TAOK3: variants seen among roughly 807,000 people sequenced by gnomAD.
TAOK3 encodes the protein serine/threonine-protein kinase TAO3.
TAOK3 carries 40 observed loss-of-function variants against 120.4 expected under a neutral mutation model. That is an observed-to-expected ratio of 0.33 (90% CI 0.26 to 0.43). TAOK3 has a LOEUF of 0.43. Among genes scored for constraint, TAOK3 ranks in the 20% least tolerant of loss-of-function variants. The pLI, the probability that TAOK3 is intolerant of heterozygous loss-of-function variation, is 1.00. For missense variants in TAOK3, 821 were observed against 1,112.1 expected (o/e 0.74, Z 3.72); for synonymous variants, 355 against 387.5 (o/e 0.92, Z 0.99).
At chr12:118,362,359 A>G (rs2045625108) in intron 1 of TAOK3, among the ~76,000 whole-genome samples, 1 of 151,222 alleles carries the variant, frequency 6.6e-6, no homozygotes, top group South Asian at 2.1e-4. Context: ...AATCTCACAT[A>G]AATCTCACAA....
Position 118,243,506 on chromosome 12 carries a change from T to G in TAOK3, c.203A>C (p.Asp68Ala). ...SGKQTHEKWQ[D>A]ILKEVKFLRQ... ...TAAAAATTTAACTTCCTTAAGAATA[T>G]CTTGCCATTTCTATTGAAGTCAGAA... Residue 68 changes from aspartate (D) to alanine (A), a missense_variant, in exon 5 of 21, where the codon GAT becomes GCT. This residue lies in a region of TAOK3 where 467 missense variants were observed against 540.0 expected (regional missense o/e 0.86). Transcript: ENST00000392533. 6.9e-7 allele frequency: 1 copy of G among 1,443,608 alleles called. No individual in the cohort carries two copies. The highest frequency in any genetic ancestry group is 9.3e-7 in the Non-Finnish European group (1 of 1,073,516). 89.4% of individuals were successfully genotyped at this position (1,443,608 alleles called of 1,614,324 possible).
chr12:118,180,148 A>G lies in TAOK3; in HGVS notation c.1566+1223T>C, dbSNP rs1290664772. 2.7e-5 allele frequency among the ~76,000 whole-genome samples: 4 copies of G among 150,394 alleles called. No individual in the cohort carries two copies. In the East Asian group the frequency reaches 7.8e-4, roughly 29 times the overall value. On this transcript the variant is annotated intron_variant, in intron 15 of 20. Transcript: ENST00000392533. The stretch of plus-strand genomic sequence containing the variant: ...TTTTTAGTAGAGACGGGGTTTCACC[A>G]TGTTGGCCAGGCTGGTCTCGAATTC...
intron 1 of TAOK3, among the ~76,000 whole-genome samples, chr12:118,267,733 A>C (rs972938139): frequency 3.3e-5 from 5 of 151,282 alleles, no homozygotes; most frequent in Non-Finnish European, 4.4e-5. Context: ...GAAAATAAAC[A>C]AACTAGCTGA....
At chr12:118,207,647 G>T (rs985874436) in intron 11 of TAOK3, among the ~76,000 whole-genome samples, 13 of 152,078 alleles carry the variant, frequency 8.5e-5, no homozygotes, top group Non-Finnish European at 1.8e-4. Flanking sequence ...TTGAGGTCAG[G>T]AGTTTGAGAC....
chr12:118,313,633 G>T (rs2043343953), intron 1 of TAOK3, among the ~76,000 whole-genome samples: 1 of 152,110 alleles, frequency 6.6e-6, no homozygotes, highest in African/African-American at 2.4e-5. Flanking sequence ...ATTTAAAAGG[G>T]TTTTATTTTG....
rs539864029 is a variant in TAOK3, at chr12:118,342,979, A to G, written c.-194+29669T>C. 1.7e-4 allele frequency among the ~76,000 whole-genome samples: 25 copies of G among 149,626 alleles called. No individual in the cohort carries two copies. In the East Asian group the frequency reaches 4.5e-3, roughly 27 times the overall value. On this transcript the variant is annotated intron_variant, in intron 1 of 20. Coordinates refer to ENST00000392533, the MANE Select transcript of TAOK3 (RefSeq NM_016281.4). Reference sequence around the variant, plus strand: ...AAAAAGAGAGAGAGAGAGAGAGAGAAATGAAGAAGTCTTGCAATATTTGCA... The same window carrying G: ...AAAAAGAGAGAGAGAGAGAGAGAGAGATGAAGAAGTCTTGCAATATTTGCA...
intron 1 of TAOK3, among the ~76,000 whole-genome samples, chr12:118,326,378 T>C (rs569302894): frequency 7.2e-5 from 11 of 152,308 alleles, no homozygotes; most frequent in Non-Finnish European, 1.0e-4. Context: ...GGCAATACCA[T>C]GCTGTTTTGG....
chr12:118,215,602 G>A (rs1034025498), intron 9 of TAOK3, among the ~76,000 whole-genome samples: 1 of 152,076 alleles, frequency 6.6e-6, no homozygotes, highest in African/African-American at 2.4e-5. Context: ...CCTGATTCAG[G>A]CCAAATAATT....
At chr12:118,272,025 C>G (rs920922528) in intron 1 of TAOK3, among the ~76,000 whole-genome samples, 1 of 152,204 alleles carries the variant, frequency 6.6e-6, no homozygotes, top group Non-Finnish European at 1.5e-5. Context: ...AAGATTTCAT[C>G]AGAGATGTGC....
chr12:118,361,099 T>A (rs2045583455), intron 1 of TAOK3, among the ~76,000 whole-genome samples: 1 of 152,204 alleles, frequency 6.6e-6, no homozygotes, highest in Non-Finnish European at 1.5e-5. Flanking sequence ...TTTGACCAAT[T>A]TTCAGGGTCA....
At chr12:118,275,532 G>T (rs1362031538) in intron 1 of TAOK3, among the ~76,000 whole-genome samples, 1 of 152,058 alleles carries the variant, frequency 6.6e-6, no homozygotes, top group Non-Finnish European at 1.5e-5. Context: ...TTGCTCTTAG[G>T]ATTTCTCAAA....
chr12:118,192,453 T>G (rs1313248047), intron 13 of TAOK3, among the ~76,000 whole-genome samples: 2 of 152,178 alleles, frequency 1.3e-5, no homozygotes, highest in African/African-American at 2.4e-5. Flanking sequence ...ATAACAGAGA[T>G]CACTATCACT....
intron 9 of TAOK3, among the ~76,000 whole-genome samples, chr12:118,226,353 G>A (rs2039505480): frequency 6.6e-6 from 1 of 151,756 alleles, no homozygotes; most frequent in Non-Finnish European, 1.5e-5. Context: ...TCCAGCCTGG[G>A]CGACAGAGCG....
chr12:118,189,851 A>G lies in TAOK3; in HGVS notation c.1285T>C (p.Tyr429His). The change falls in exon 14 of 21, where the codon TAC becomes CAC. Residue 429 changes from tyrosine to histidine, a missense_variant. Tyr to His is a moderately conservative substitution (Grantham distance 83). Transcript: ENST00000392533. ...GTGGCAAAGCGCTCTCTGTTCCGGTAGTGGAGGGCCTGGCTCTGAACTGAC... is the reference window on the plus strand; with the variant it reads ...GTGGCAAAGCGCTCTCTGTTCCGGTGGTGGAGGGCCTGGCTCTGAACTGAC... ...TQSVQSQALH[Y>H]RNRERFATIK... 2.5e-6 allele frequency: 4 copies of G among 1,614,214 alleles called. No individual in the cohort carries two copies. The highest frequency in any genetic ancestry group is 2.5e-6 in the Non-Finnish European group (3 of 1,180,038).
chr12:118,343,722 T>C (rs1399253343), intron 1 of TAOK3, among the ~76,000 whole-genome samples: 4 of 151,984 alleles, frequency 2.6e-5, no homozygotes, highest in African/African-American at 9.7e-5. Flanking sequence ...TTATAAAAAA[T>C]CCACTAGAGG....
At chr12:118,268,244 ATTAC>A (rs751594588) in intron 1 of TAOK3, among the ~76,000 whole-genome samples, 1 of 152,186 alleles carries the variant, frequency 6.6e-6, no homozygotes, top group Non-Finnish European at 1.5e-5. Flanking sequence ...CTTGGTGCCT[ATTAC>A]TTATCTACAT....
chr12:118,353,564 A>G (rs1313562517), intron 1 of TAOK3, among the ~76,000 whole-genome samples: 3 of 152,144 alleles, frequency 2.0e-5, no homozygotes, highest in Non-Finnish European at 4.4e-5. Flanking sequence ...AGGGAGTGAC[A>G]TGCTAGAAGT....
chr12:118,266,341 C>T (rs892747352), intron 2 of TAOK3, among the ~76,000 whole-genome samples: 7 of 148,974 alleles, frequency 4.7e-5, no homozygotes, highest in Non-Finnish European at 8.9e-5. Flanking sequence ...TACAGACATG[C>T]GCCACCACGC....
At chr12:118,368,156 C>G (rs1247485040) in intron 1 of TAOK3, among the ~76,000 whole-genome samples, 3 of 152,152 alleles carry the variant, frequency 2.0e-5, no homozygotes, top group Non-Finnish European at 4.4e-5. Context: ...TGCTGTAAGC[C>G]TTCATACGGA....
Sources: gnomAD v4.1 joint callset for allele counts (sites outside exome capture counted in the v4.1 genomes callset) on GRCh38, gnomAD v4.1.1 for gene constraint, gnomAD v4.1.1 regional missense constraint, MANE v1.5 for transcripts, NCBI Gene and HGNC (gene_info 2026-07-23, HGNC 2026-07-21) for gene names.